Variants in EYS observed in about 807,000 individuals in gnomAD.
The protein encoded by EYS is EGF-like photoreceptor maintenance factor, also known as protein eyes shut homolog.
Under a neutral mutation model 282.1 loss-of-function variants are expected in EYS, and 250 were observed. The observed-to-expected ratio is 0.89, with a 90% confidence interval of 0.80 to 0.98. The LOEUF (loss-of-function observed/expected upper bound fraction) is 0.98, where lower values mean the gene tolerates loss of function less well. Among genes scored for constraint, EYS ranks in the 50% least tolerant of loss-of-function variants. The pLI, the probability that EYS is intolerant of heterozygous loss-of-function variation, is 0.00. For missense variants in EYS, 4,016 were observed against 3,709.0 expected, an observed-to-expected ratio of 1.08 and a Z score of -2.15; for synonymous variants, 1,355 against 1,282.9, an observed-to-expected ratio of 1.06 and a Z score of -1.20.
intron 2 of EYS, among the ~76,000 whole-genome samples, chr6:65,631,410 C>T (rs1470628387): frequency 6.6e-6 from 1 of 151,360 alleles, no homozygotes; most frequent in Non-Finnish European, 1.5e-5. Context: ...GTAATATTAG[C>T]TTTGGTCCTT....
chr6:64,706,457 T>A (rs1042255192), intron 22 of EYS, among the ~76,000 whole-genome samples: 2 of 151,944 alleles, frequency 1.3e-5, no homozygotes, highest in Non-Finnish European at 2.9e-5. Flanking sequence ...CAAAGATAAA[T>A]ATATGGGACT....
At chr6:64,862,364 T>G (rs1173878932) in intron 19 of EYS, among the ~76,000 whole-genome samples, 1 of 152,210 alleles carries the variant, frequency 6.6e-6, no homozygotes, top group Non-Finnish European at 1.5e-5. Context: ...CAGTTGTTTT[T>G]CAGCTATTCA....
At chr6:64,287,819 C>T (rs1289934343) in intron 30 of EYS, among the ~76,000 whole-genome samples, 1 of 152,142 alleles carries the variant, frequency 6.6e-6, no homozygotes, top group Admixed American at 6.6e-5. Flanking sequence ...TCGTAGAGAA[C>T]TTTTGGAGTC....
chr6:65,688,514 T>C (rs564746612), intron 1 of EYS, among the ~76,000 whole-genome samples: 3 of 152,040 alleles, frequency 2.0e-5, no homozygotes, highest in Admixed American at 6.6e-5. Flanking sequence ...ATTCAGGACA[T>C]AGGCATGGGG....
intron 29 of EYS, among the ~76,000 whole-genome samples, chr6:64,321,176 C>A (rs147510129): frequency 2.0e-5 from 3 of 151,642 alleles, no homozygotes; most frequent in Admixed American, 2.0e-4. Flanking sequence ...AGATATAAAT[C>A]CCTCTTTTTG....
At chr6:64,287,771 A>C (rs999478579) in intron 30 of EYS, among the ~76,000 whole-genome samples, 7 of 152,158 alleles carry the variant, frequency 4.6e-5, no homozygotes, top group African/African-American at 1.7e-4. Flanking sequence ...CATGGTTAAC[A>C]ATAGACCGGA....
intron 42 of EYS, among the ~76,000 whole-genome samples, chr6:63,723,107 A>G (rs1224296242): frequency 1.3e-5 from 2 of 152,240 alleles, no homozygotes; most frequent in Non-Finnish European, 2.9e-5. Flanking sequence ...TTGTGGGTTG[A>G]GATGACTCAG....
Position 65,434,892 on chromosome 6 carries a change from C to T in EYS, c.863-29525G>A, listed in dbSNP as rs542210270. 1.8e-4 allele frequency among the ~76,000 whole-genome samples: 28 copies of T among 151,978 alleles called. 1 individual carries two copies. In the South Asian group the frequency reaches 4.4e-3, roughly 24 times the overall value. ...AATTAAATATCTCTTTCTTTTCGTA[C>T]CTTTATTATCTAATTATCTCTACTA... On this transcript the variant is annotated intron_variant, in intron 5 of 42. Coordinates refer to ENST00000503581, the MANE Select transcript of EYS (RefSeq NM_001142800.2).
At chr6:65,570,603 C>T (rs906386784) in intron 2 of EYS, among the ~76,000 whole-genome samples, 1 of 152,082 alleles carries the variant, frequency 6.6e-6, no homozygotes, top group African/African-American at 2.4e-5. Flanking sequence ...TGTCACAGAG[C>T]AGTCTAGTTA....
intron 2 of EYS, among the ~76,000 whole-genome samples, chr6:65,606,896 C>T (rs544958722): frequency 1.4e-5 from 2 of 144,298 alleles, no homozygotes; most frequent in Non-Finnish European, 3.1e-5. Context: ...TTTTTTTTTG[C>T]AATTTTGAAT....
chr6:64,788,971 T>C (rs370558304), intron 22 of EYS, among the ~76,000 whole-genome samples: 2 of 152,150 alleles, frequency 1.3e-5, no homozygotes, highest in African/African-American at 2.4e-5. Context: ...AATAAAGTGA[T>C]TGCAATTTTC....
At chr6:63,910,807 A>G (rs1773893582) in intron 35 of EYS, among the ~76,000 whole-genome samples, 1 of 152,146 alleles carries the variant, frequency 6.6e-6, no homozygotes, top group African/African-American at 2.4e-5. Context: ...TATTTATATT[A>G]TTAGCATTTT....
intron 35 of EYS, among the ~76,000 whole-genome samples, chr6:63,968,632 A>G (rs976342286): frequency 2.6e-5 from 4 of 152,210 alleles, no homozygotes; most frequent in South Asian, 2.1e-4. Flanking sequence ...TCTGTTCTAC[A>G]AGGCTCGAAA....
At chr6:65,615,148 T>C (rs1282414947) in intron 2 of EYS, among the ~76,000 whole-genome samples, 1 of 152,186 alleles carries the variant, frequency 6.6e-6, no homozygotes, top group Non-Finnish European at 1.5e-5. Context: ...ATTCGAATAA[T>C]TATTTTAAAA....
intron 26 of EYS, among the ~76,000 whole-genome samples, chr6:64,475,570 A>AG (rs1354893711): frequency 1.3e-5 from 2 of 150,656 alleles, no homozygotes; most frequent in African/African-American, 4.9e-5. Flanking sequence ...AAAAAAAAAA[A>AG]AAAGAAAAGA....
intron 29 of EYS, among the ~76,000 whole-genome samples, chr6:64,326,442 C>T (rs1298175767): frequency 6.6e-6 from 1 of 152,218 alleles, no homozygotes; most frequent in African/African-American, 2.4e-5. Flanking sequence ...CCTTCTGTAA[C>T]TTGCTTCCCA....
intron 36 of EYS, among the ~76,000 whole-genome samples, chr6:63,823,940 A>T (rs1771389118): frequency 6.6e-6 from 1 of 152,120 alleles, no homozygotes; most frequent in Admixed American, 6.5e-5. Flanking sequence ...TGTCTAGGTT[A>T]ATCTCTAGCC....
intron 12 of EYS, among the ~76,000 whole-genome samples, chr6:65,185,289 A>G (rs752729726): frequency 6.6e-6 from 1 of 151,794 alleles, no homozygotes; most frequent in Non-Finnish European, 1.5e-5. Flanking sequence ...AACTTTTTCA[A>G]TACAAGTGTT....
intron 35 of EYS, among the ~76,000 whole-genome samples, chr6:63,975,803 G>A (rs1766806971): frequency 6.6e-6 from 1 of 151,972 alleles, no homozygotes; most frequent in Non-Finnish European, 1.5e-5. Flanking sequence ...TCTCTAGAAG[G>A]TGAACTTTTA....
Sources: gnomAD v4.1 joint callset for allele counts (sites outside exome capture counted in the v4.1 genomes callset) on GRCh38, gnomAD v4.1.1 for gene constraint, MANE v1.5 for transcripts, NCBI Gene and HGNC (gene_info 2026-07-23, HGNC 2026-07-21) for gene names.